The following SPINK1 variants were observed in gnomAD, a reference collection of about 807,000 sequenced individuals.
The protein encoded by SPINK1 is serine peptidase inhibitor Kazal type 1.
Under a neutral mutation model 9.5 loss-of-function variants are expected in SPINK1, and 5 were observed. The observed-to-expected ratio is 0.52, with a 90% CI of 0.27 to 1.10. SPINK1 has a LOEUF of 1.10. SPINK1 is among the 50% of genes least tolerant of loss of function. The probability of loss-of-function intolerance (pLI) is 0.11; values close to 1 mark genes in which losing one functional copy is unlikely to be tolerated. For missense variants in SPINK1, 88 were observed against 92.7 expected, an observed-to-expected ratio of 0.95 and a Z score of 0.21; for synonymous variants, 37 against 32.3, an observed-to-expected ratio of 1.14 and a Z score of -0.49.
chr5:147,825,210 A>G (rs1387895930), intron 3 of SPINK1, among the ~76,000 whole-genome samples: 1 of 152,172 alleles, frequency 6.6e-6, no homozygotes. Flanking sequence ...CCCTCCAGAT[A>G]AAACCTCTCT....
At chr5:147,836,628 A>G (rs1345425883), upstream of SPINK1, among the ~76,000 whole-genome samples, 1 of 152,182 alleles carries the variant, frequency 6.6e-6, no homozygotes, top group African/African-American at 2.4e-5. Context: ...TGGGCATAGT[A>G]GACTTTAATA....
upstream of SPINK1, among the ~76,000 whole-genome samples, chr5:147,832,597 G>A (rs1428698716): frequency 6.6e-6 from 1 of 152,228 alleles, no homozygotes; most frequent in South Asian, 2.1e-4. Flanking sequence ...TTAAAAGCTT[G>A]GCCTTTCTTT....
intron 1 of SPINK1, 102 bp from the exon 2 acceptor site, chr5:147,829,732 AC>A: frequency 9.4e-7 from 1 of 1,066,872 alleles, no homozygotes; most frequent in South Asian, 1.3e-5. Context: ...TGACTTCTTT[AC>A]TAGGCTCTTT....
At chr5:147,837,697 CTTTCTTTCT>C in the SPINK1 span, among the ~76,000 whole-genome samples, 1 of 144,534 alleles carries the variant, frequency 6.9e-6, no homozygotes, top group African/African-American at 2.6e-5. Flanking sequence ...TTCTTTCTTT[CTTTCTTTCT>C]TTCTTTCTTT....
the SPINK1 span, among the ~76,000 whole-genome samples, chr5:147,837,520 C>T: frequency 6.6e-6 from 1 of 152,076 alleles, no homozygotes; most frequent in Admixed American, 6.6e-5. Flanking sequence ...ACTATTGCTG[C>T]CATATGGTGG....
chr5:147,825,792 C>T (rs1193238049), intron 3 of SPINK1, among the ~76,000 whole-genome samples: 2 of 152,164 alleles, frequency 1.3e-5, no homozygotes, highest in Non-Finnish European at 1.5e-5. Context: ...ATTAACTGCT[C>T]ATTAATACTG....
intron 2 of SPINK1, 81 bp downstream of exon 2, chr5:147,829,518 G>T: frequency 7.3e-7 from 1 of 1,375,926 alleles, no homozygotes; most frequent in Non-Finnish European, 1.0e-6. Context: ...AGGCTAAACT[G>T]AAAGGTGACA....
At chr5:147,825,441 T>C (rs971869056) in intron 3 of SPINK1, among the ~76,000 whole-genome samples, 5 of 150,894 alleles carry the variant, frequency 3.3e-5, no homozygotes, top group Admixed American at 3.3e-4. Context: ...TTTTCTTTTT[T>C]TCTTTTTTTT....
the SPINK1 span, among the ~76,000 whole-genome samples, chr5:147,837,705 C>CTTTCTTTCTTTCT: frequency 1.5e-5 from 2 of 130,160 alleles, no homozygotes; most frequent in Admixed American, 1.5e-4. Flanking sequence ...TTCTTTCTTT[C>CTTTCTTTCTTTCT]TTTCTTTCTT....
intron 3 of SPINK1, among the ~76,000 whole-genome samples, chr5:147,825,314 G>A (rs998257540): frequency 4.0e-5 from 6 of 151,788 alleles, no homozygotes; most frequent in Admixed American, 3.3e-4. Flanking sequence ...ACTGTTTCCA[G>A]GTCTTTAATT....
At chr5:147,836,686 A>G in the SPINK1 span, among the ~76,000 whole-genome samples, 1 of 152,132 alleles carries the variant, frequency 6.6e-6, no homozygotes, top group Admixed American at 6.6e-5. Flanking sequence ...ATATTTTAAA[A>G]ACATGTCAGA....
chr5:147,830,239 C>G (rs931384109), intron 1 of SPINK1, among the ~76,000 whole-genome samples: 1 of 152,234 alleles, frequency 6.6e-6, no homozygotes, highest in East Asian at 1.9e-4. Flanking sequence ...ATCATATGGA[C>G]TATGGGTCTA....
intron 3 of SPINK1, 99 bp downstream of exon 3, chr5:147,827,923 A>G: frequency 2.3e-6 from 2 of 854,528 alleles, no homozygotes; most frequent in Non-Finnish European, 1.8e-6. Context: ...GAAAAAGTAA[A>G]TAGTTTGCTT....
intron 1 of SPINK1, 39 bp from the exon 2 acceptor site, chr5:147,829,669 G>T: frequency 6.3e-7 from 1 of 1,583,696 alleles, no homozygotes; most frequent in South Asian, 1.1e-5. Flanking sequence ...GGTCCTAAAT[G>T]AAAGAAGTCA....
chr5:147,831,238 T>A (rs1046132140), intron 1 of SPINK1, among the ~76,000 whole-genome samples: 12 of 152,170 alleles, frequency 7.9e-5, no homozygotes, highest in Non-Finnish European at 1.8e-4. Context: ...AGTTAAAATA[T>A]TTTTACCCTT....
chr5:147,832,294 G>A (rs200752652), upstream of SPINK1, among the ~76,000 whole-genome samples: 2 of 152,264 alleles, frequency 1.3e-5, no homozygotes, highest in East Asian at 3.9e-4. Flanking sequence ...TCTTTCATCT[G>A]AGAATATGTG....
intron 3 of SPINK1, 171 bp downstream of exon 3, chr5:147,827,850 TA>T (rs1756436626): frequency 5.5e-6 from 3 of 544,948 alleles, no homozygotes; most frequent in South Asian, 2.6e-5. Flanking sequence ...AAGTGACTTC[TA>T]AAAAATAATA....
chr5:147,830,152 T>C (rs1444908125), intron 1 of SPINK1, among the ~76,000 whole-genome samples: 1 of 152,204 alleles, frequency 6.6e-6, no homozygotes, highest in African/African-American at 2.4e-5. Flanking sequence ...AAATTCCCTT[T>C]TGTAAGTATT....
At chr5:147,830,527 C>T (rs952655509) in intron 1 of SPINK1, among the ~76,000 whole-genome samples, 12 of 151,972 alleles carry the variant, frequency 7.9e-5, no homozygotes, top group South Asian at 2.1e-4. Context: ...GAATTTCCCC[C>T]GGGATAGTCA....
Sources: allele counts gnomAD v4.1 joint callset (sites outside exome capture counted in the v4.1 genomes callset), GRCh38; gene constraint gnomAD v4.1.1; transcripts MANE v1.5; gene names NCBI Gene and HGNC (gene_info 2026-07-23, HGNC 2026-07-21).